Variants in EWSR1 observed in about 807,000 individuals in gnomAD.
EWSR1 encodes the protein RNA-binding protein EWS.
A neutral mutation model predicts 92.1 loss-of-function variants in EWSR1; 14 were observed. That is an observed-to-expected ratio of 0.15 (90% CI 0.10 to 0.24). EWSR1 has a LOEUF of 0.24. Among genes scored for constraint, EWSR1 ranks in the 10% least tolerant of loss-of-function variants. The pLI, the probability that EWSR1 is intolerant of heterozygous loss-of-function variation, is 1.00. For synonymous variants in EWSR1, 303 were observed against 292.9 expected, an observed-to-expected ratio of 1.03 and a Z score of -0.35; for missense variants, 637 against 870.9, an observed-to-expected ratio of 0.73 and a Z score of 3.38.
chr22:29,299,202 G>A (rs199700003), intron 14 of EWSR1, 32 bp from the exon 15 acceptor site: 1 of 1,613,936 alleles, frequency 6.2e-7, no homozygotes, highest in East Asian at 2.2e-5. Flanking sequence ...TAGTTCAATT[G>A]GTGATTTCTG....
At chr22:29,296,870 GTC>G (rs1048133680) in intron 12 of EWSR1, among the ~76,000 whole-genome samples, 13 of 152,098 alleles carry the variant, frequency 8.5e-5, no homozygotes, top group African/African-American at 3.1e-4. Context: ...GCAAAACCCT[GTC>G]TCTACAAAAA....
At chr22:29,270,010 C>T (rs543430920) in intron 1 of EWSR1, among the ~76,000 whole-genome samples, 93 of 152,278 alleles carry the variant, frequency 6.1e-4, no homozygotes, top group African/African-American at 2.1e-3. Flanking sequence ...GTAATCTGGT[C>T]CTTAGTTTCC....
chr22:29,270,353 G>A (rs2058573653), intron 1 of EWSR1, among the ~76,000 whole-genome samples: 1 of 152,186 alleles, frequency 6.6e-6, no homozygotes, highest in Non-Finnish European at 1.5e-5. Context: ...GATTTTTAGT[G>A]AAGTCAGTGG....
intron 4 of EWSR1, chr22:29,275,794 C>G (rs1026212575): frequency 4.3e-6 from 1 of 230,668 alleles, no homozygotes; most frequent in Admixed American, 5.6e-5. Flanking sequence ...CAATGGAATT[C>G]TTAAAAACTT....
At chr22:29,292,872 T>C (rs759578460) in intron 11 of EWSR1, among the ~76,000 whole-genome samples, 9 of 150,506 alleles carry the variant, frequency 6.0e-5, no homozygotes, top group Admixed American at 1.3e-4. Flanking sequence ...ATCTCCTGCC[T>C]CAGCCTCCCA....
rs146069416 is a variant in EWSR1, at chr22:29,298,784, G to A, written c.1469G>A (p.Arg490His). The A allele has an allele frequency of 4.5e-5, 73 of 1,613,382 alleles. No homozygotes were observed. The highest frequency in any genetic ancestry group is 9.3e-5 in the African/African-American group (7 of 74,962). ...PGGPMGRMGG[R>H]GGDRGGFPPR... ...GGACCCATGGGTCGCATGGGAGGCC[G>A]TGGAGGAGATAGAGGAGGCTTCCCT... The change falls in exon 14 of 17, where the codon CGT (arginine) becomes CAT (histidine). Residue 490 changes from arginine to histidine, a missense_variant. Coordinates refer to ENST00000397938, the MANE Select transcript of EWSR1 (RefSeq NM_005243.4).
Position 29,273,895 on chromosome 22 carries a change from C to A in EWSR1, c.226+31C>A. ...GCCTGCCTTGGAGAGATTTTTGGGT[C>A]GTTCTGGCTAGGGCATTGGCTAAGA... On this transcript the variant is annotated intron_variant, in intron 4 of 16. Coordinates refer to ENST00000397938, the MANE Select transcript of EWSR1 (RefSeq NM_005243.4). 3 of 1,612,172 alleles carry A rather than the reference C, an allele frequency of 1.9e-6. No individual in the cohort carries two copies. In the South Asian group the frequency reaches 3.3e-5, roughly 18 times the overall value.
chr22:29,287,124 C>T lies in EWSR1; in HGVS notation c.783C>T (p.Tyr261=). The change falls in exon 7 of 17, where the codon TAC becomes TAT. Residue 261 remains tyrosine, a synonymous_variant. Coordinates refer to ENST00000397938, the MANE Select transcript of EWSR1 (RefSeq NM_005243.4). ...PSQYSQQSSS[Y]GQQSSFRQDH... ...AATATAGCCAACAGAGCAGCAGCTA[C>T]GGGCAGCAGAGTGAGTTGCTAAGAG... 2.5e-6 allele frequency: 4 copies of T among 1,613,996 alleles called. No homozygotes were observed. The highest frequency in any genetic ancestry group is 2.7e-5 in the African/African-American group (2 of 75,012).
intron 10 of EWSR1, 131 bp from the exon 11 acceptor site, chr22:29,292,357 A>C (rs745360366): frequency 7.7e-6 from 7 of 914,784 alleles, no homozygotes; most frequent in Non-Finnish European, 1.2e-5. Context: ...AAAGTTTGAT[A>C]GCATTCTTCT....
chr22:29,291,281 C>A, intron 8 of EWSR1: 1 of 383,044 alleles, frequency 2.6e-6, no homozygotes, highest in Non-Finnish European at 4.6e-6. Flanking sequence ...TGTTTGGGAT[C>A]TATTTTTTCT....
intron 5 of EWSR1, among the ~76,000 whole-genome samples, chr22:29,279,829 TC>T (rs1391039773): frequency 2.6e-5 from 4 of 152,208 alleles, no homozygotes; most frequent in Non-Finnish European, 5.9e-5. Flanking sequence ...TTTCCGAGTG[TC>T]ATCAGATGTA....
intron 16 of EWSR1, 127 bp from the exon 17 acceptor site, chr22:29,299,989 GGGCTCT>G: frequency 5.0e-6 from 7 of 1,386,468 alleles, no homozygotes; most frequent in Non-Finnish European, 2.9e-6. Flanking sequence ...GGGCACCTGG[GGGCTCT>G]GGAAGGGCTT....
intron 12 of EWSR1, 147 bp downstream of exon 12, chr22:29,296,515 C>G: frequency 1.3e-6 from 1 of 796,840 alleles, no homozygotes; most frequent in South Asian, 2.0e-5. Flanking sequence ...TAGTAGCACC[C>G]AGCCATTGAC....
chr22:29,283,705 T>G (rs574807293), intron 6 of EWSR1, among the ~76,000 whole-genome samples: 1 of 144,490 alleles, frequency 6.9e-6, no homozygotes, highest in African/African-American at 2.6e-5. Flanking sequence ...TTTTTTTTTT[T>G]GTATTTTTAG....
chr22:29,299,637 G>T lies in EWSR1; in HGVS notation c.1717G>T (p.Gly573Ter), dbSNP rs760040574. ...RGRGGPGGMR[G>*]GRGGLMDRGG... ...CAGAGGTGGCCCTGGTGGCATGCGGGGAGGAAGAGGTGGCCTCATGGATCG... is the reference window on the plus strand; with the variant it reads ...CAGAGGTGGCCCTGGTGGCATGCGGTGAGGAAGAGGTGGCCTCATGGATCG... Residue 573 changes from glycine (G) to a stop codon, truncating the protein, a stop_gained, in exon 16 of 17, where the codon GGA becomes TGA. Coordinates refer to ENST00000397938, the MANE Select transcript of EWSR1 (RefSeq NM_005243.4). LOFTEE classifies it high-confidence loss of function. The T allele has an allele frequency of 6.2e-7, 1 of 1,608,404 alleles. No individual in the cohort carries two copies. The highest frequency in any genetic ancestry group is 2.2e-5 in the East Asian group (1 of 44,778).
At chr22:29,288,170 T>C (rs965422658) in intron 7 of EWSR1, among the ~76,000 whole-genome samples, 1 of 152,242 alleles carries the variant, frequency 6.6e-6, no homozygotes, top group Non-Finnish European at 1.5e-5. Flanking sequence ...AATTACATTC[T>C]ATCCACGGGG....
At chr22:29,289,709 A>AT in intron 8 of EWSR1, 1 of 232,564 alleles carries the variant, frequency 4.3e-6, no homozygotes, top group South Asian at 1.8e-4. Flanking sequence ...ATTAAATAGC[A>AT]TTTTTTAAAA....
rs751816550 is a variant in EWSR1, at chr22:29,296,263, A to C, written c.1189A>C (p.Met397Leu). Residue 397 changes from methionine to leucine, a missense_variant, in exon 12 of 17, where the codon ATG becomes CTG. Transcript: ENST00000397938. The stretch of plus-strand genomic sequence containing the variant: ...GATGAACAAGAGAACTGGGCAACCC[A>C]TGATCCACATCTACCTGGACAAGGA... ...VKMNKRTGQP[M>L]IHIYLDKETG... 6.2e-7 allele frequency: 1 copy of C among 1,614,076 alleles called. No individual in the cohort carries two copies. Among genetic ancestry groups the C allele is most frequent in the African/African-American group, 1.3e-5 (1 of 74,934 alleles).
Position 29,300,017 on chromosome 22 carries a change from C to G in EWSR1, c.1932-105C>G. On this transcript the variant is annotated intron_variant, in intron 16 of 16. Coordinates refer to ENST00000397938, the MANE Select transcript of EWSR1 (RefSeq NM_005243.4). The stretch of plus-strand genomic sequence containing the variant: ...CTCTGGAAGGGCTTCCTCACCCCTT[C>G]CCATTCTAACCGATTGGGAGGAGCC... 3.7e-6 allele frequency: 2 copies of G among 545,240 alleles called. 1 individual carries two copies. Among genetic ancestry groups the G allele is most frequent in the South Asian group, 7.5e-5 (2 of 26,566 alleles). 33.8% of individuals were successfully genotyped at this position (545,240 alleles called of 1,614,324 possible).
Sources: allele counts gnomAD v4.1 joint callset (sites outside exome capture counted in the v4.1 genomes callset), GRCh38; gene constraint gnomAD v4.1.1; transcripts MANE v1.5; gene names NCBI Gene and HGNC (gene_info 2026-07-23, HGNC 2026-07-21).